The following PTPRD variants were observed in gnomAD, a reference collection of about 807,000 sequenced individuals.
PTPRD encodes the protein receptor-type tyrosine-protein phosphatase delta.
A neutral mutation model predicts 214.5 loss-of-function variants in PTPRD; 34 were observed. The observed-to-expected ratio is 0.16, with a 90% confidence interval of 0.12 to 0.21. The LOEUF (loss-of-function observed/expected upper bound fraction) is 0.21, where lower values mean the gene tolerates loss of function less well. PTPRD is among the 10% of genes least tolerant of loss of function. The pLI, the probability that PTPRD is intolerant of heterozygous loss-of-function variation, is 1.00. For missense variants in PTPRD, 2,545 were observed against 2,398.7 expected, an observed-to-expected ratio of 1.06 and a Z score of -1.27; for synonymous variants, 1,128 against 845.7, an observed-to-expected ratio of 1.33 and a Z score of -5.79.
At chr9:9,611,543 G>A (rs139238874) in intron 7 of PTPRD, among the ~76,000 whole-genome samples, 1 of 151,918 alleles carries the variant, frequency 6.6e-6, no homozygotes, top group East Asian at 1.9e-4. Context: ...AAAACATTTG[G>A]ATGTATCTAA....
chr9:8,948,024 T>C (rs1219154372), intron 11 of PTPRD, among the ~76,000 whole-genome samples: 31 of 109,542 alleles, frequency 2.8e-4, no homozygotes, highest in Non-Finnish European at 3.8e-4. Flanking sequence ...TCTCTCTCTT[T>C]TTTTTTTTTT....
chr9:8,774,734 A>G (rs2095399252), intron 11 of PTPRD, among the ~76,000 whole-genome samples: 1 of 151,820 alleles, frequency 6.6e-6, no homozygotes, highest in South Asian at 2.1e-4. Context: ...GGGTTTCTCC[A>G]TGTTGGTCAG....
At chr9:9,531,110 T>C (rs959535678) in intron 8 of PTPRD, among the ~76,000 whole-genome samples, 2 of 152,194 alleles carry the variant, frequency 1.3e-5, no homozygotes, top group Admixed American at 6.5e-5. Context: ...TTCATCCTTA[T>C]GCATTCTATG....
At chr9:8,993,824 G>C (rs2099386616) in intron 11 of PTPRD, among the ~76,000 whole-genome samples, 2 of 151,928 alleles carry the variant, frequency 1.3e-5, no homozygotes, top group Non-Finnish European at 2.9e-5. Flanking sequence ...TTACACACTG[G>C]GGGACCCGAA....
chr9:8,845,465 G>A (rs12683930), intron 11 of PTPRD, among the ~76,000 whole-genome samples: 2,732 of 152,300 alleles, frequency 0.018, 71 homozygotes, highest in South Asian at 0.088. Context: ...TGAAATCAGT[G>A]AGGCAAATTT....
rs1290161784 is a variant in PTPRD, at chr9:9,427,442, G to A, written c.-236-29960C>T. On this transcript the variant is annotated intron_variant, in intron 8 of 45. Transcript: ENST00000381196. ...AAGACCAAATCTACGTCTGATTGGT[G>A]TACGTAAAAGTGACAGGGAGAATGG... is the stretch of plus-strand genomic sequence containing the variant. Among the ~76,000 whole-genome samples the A allele has an allele frequency of 2.0e-5, 3 of 152,330 alleles. No individual in the cohort carries two copies. In the South Asian group the frequency reaches 6.2e-4, roughly 32 times the overall value.
intron 2 of PTPRD, among the ~76,000 whole-genome samples, chr9:10,529,813 C>T (rs1298909925): frequency 2.0e-5 from 3 of 151,616 alleles, no homozygotes; most frequent in Non-Finnish European, 4.4e-5. Flanking sequence ...AACACAAAAC[C>T]AAACACCACA....
intron 14 of PTPRD, among the ~76,000 whole-genome samples, chr9:8,627,819 C>T (rs965524090): frequency 2.8e-4 from 42 of 151,904 alleles, no homozygotes; most frequent in African/African-American, 9.9e-4. Context: ...ACCACTGATA[C>T]CCAAAGAATC....
chr9:9,800,930 G>T (rs969444459), intron 5 of PTPRD, among the ~76,000 whole-genome samples: 2 of 152,052 alleles, frequency 1.3e-5, no homozygotes, highest in African/African-American at 4.8e-5. Flanking sequence ...GGAGATACAC[G>T]ATTAGTTGAG....
At chr9:9,687,191 G>T (rs367677346) in intron 7 of PTPRD, among the ~76,000 whole-genome samples, 1 of 151,850 alleles carries the variant, frequency 6.6e-6, no homozygotes, top group South Asian at 2.1e-4. Context: ...ACACTCGTGA[G>T]TTCCTAGGAA....
intron 8 of PTPRD, among the ~76,000 whole-genome samples, chr9:9,492,097 A>G (rs145227650): frequency 6.6e-6 from 1 of 151,992 alleles, no homozygotes; most frequent in Non-Finnish European, 1.5e-5. Flanking sequence ...AAGGATTATA[A>G]GAGAATACTA....
intron 7 of PTPRD, among the ~76,000 whole-genome samples, chr9:9,614,380 T>G (rs2094723659): frequency 6.6e-6 from 1 of 152,132 alleles, no homozygotes; most frequent in Admixed American, 6.5e-5. Flanking sequence ...TCTTTTATTA[T>G]TTTCTCTGAG....
intron 34 of PTPRD, among the ~76,000 whole-genome samples, chr9:8,446,879 A>ACAAC (rs1275984326): frequency 1.3e-5 from 2 of 152,232 alleles, no homozygotes; most frequent in Non-Finnish European, 2.9e-5. Context: ...TACTGGGTTA[A>ACAAC]CAACCCCACA....
At chr9:9,124,007 G>T (rs2099820100) in intron 10 of PTPRD, among the ~76,000 whole-genome samples, 1 of 152,082 alleles carries the variant, frequency 6.6e-6, no homozygotes, top group African/African-American at 2.4e-5. Context: ...TCTAAAAGGT[G>T]GGGTGGGGGA....
intron 2 of PTPRD, among the ~76,000 whole-genome samples, chr9:10,609,184 T>C (rs1396285905): frequency 6.6e-6 from 1 of 152,076 alleles, no homozygotes; most frequent in Non-Finnish European, 1.5e-5. Context: ...AATAATGTTA[T>C]TTGCTGCATT....
chr9:9,208,965 G>A (rs2099946756), intron 9 of PTPRD, among the ~76,000 whole-genome samples: 1 of 151,868 alleles, frequency 6.6e-6, no homozygotes, highest in South Asian at 2.1e-4. Context: ...CCGCCAATAT[G>A]CCTGGCTAAT....
chr9:9,383,822 GA>G (rs1418167600), intron 9 of PTPRD, among the ~76,000 whole-genome samples: 1 of 151,950 alleles, frequency 6.6e-6, no homozygotes, highest in Non-Finnish European at 1.5e-5. Context: ...TCACAATGGG[GA>G]CTCAGGGATC....
intron 7 of PTPRD, among the ~76,000 whole-genome samples, chr9:9,677,241 C>G (rs2096951957): frequency 6.6e-6 from 1 of 151,972 alleles, no homozygotes; most frequent in Non-Finnish European, 1.5e-5. Flanking sequence ...AGGTTGTCTT[C>G]CAGGGTTTTT....
At chr9:8,606,578 A>AGAT (rs1271063825) in intron 14 of PTPRD, among the ~76,000 whole-genome samples, 1 of 152,208 alleles carries the variant, frequency 6.6e-6, no homozygotes, top group Admixed American at 6.5e-5. Context: ...AACCAACCCC[A>AGAT]GATGCTATTT....
Sources: gnomAD v4.1 joint callset for allele counts (sites outside exome capture counted in the v4.1 genomes callset) on GRCh38, gnomAD v4.1.1 for gene constraint, MANE v1.5 for transcripts, NCBI Gene and HGNC (gene_info 2026-07-23, HGNC 2026-07-21) for gene names.